MAST4: variants seen among roughly 807,000 people sequenced by gnomAD.
MAST4 encodes microtubule-associated serine/threonine-protein kinase 4.
In MAST4, 89 loss-of-function variants were observed where a neutral mutation model predicts 162.7. The observed-to-expected ratio is 0.55, with a 90% CI of 0.46 to 0.65. The LOEUF is 0.65. Among genes scored for constraint, MAST4 ranks in the 30% least tolerant of loss-of-function variants. The probability of loss-of-function intolerance (pLI) is 0.00; values close to 1 mark genes in which losing one functional copy is unlikely to be tolerated. For missense variants in MAST4, 3,153 were observed against 3,374.0 expected (o/e 0.93, Z 1.62); for synonymous variants, 1,479 against 1,361.1 (o/e 1.09, Z -1.91).
chr5:66,756,069 T>C (rs1050347338), intron 1 of MAST4, among the ~76,000 whole-genome samples: 2 of 152,208 alleles, frequency 1.3e-5, no homozygotes, highest in African/African-American at 2.4e-5. Flanking sequence ...ATACCTTTTA[T>C]CCCTTAAGAT....
intron 4 of MAST4, among the ~76,000 whole-genome samples, chr5:67,044,967 G>T (rs976775554): frequency 1.3e-5 from 2 of 152,174 alleles, no homozygotes; most frequent in Non-Finnish European, 2.9e-5. Flanking sequence ...GACTTCGTCA[G>T]CTCTTTGTGT....
chr5:66,906,688 T>C (rs1330690131), intron 4 of MAST4, among the ~76,000 whole-genome samples: 2 of 152,116 alleles, frequency 1.3e-5, no homozygotes, highest in Non-Finnish European at 2.9e-5. Context: ...CAGAAGACAA[T>C]TCATTAATGG....
intron 1 of MAST4, among the ~76,000 whole-genome samples, chr5:66,644,035 T>C (rs1745659050): frequency 9.8e-6 from 1 of 101,854 alleles, no homozygotes; most frequent in Non-Finnish European, 2.0e-5. Context: ...AAAGTATTCA[T>C]CTGTAAGCTT....
At chr5:66,694,229 C>T (rs1229148095) in intron 1 of MAST4, among the ~76,000 whole-genome samples, 2 of 152,266 alleles carry the variant, frequency 1.3e-5, no homozygotes, top group Non-Finnish European at 2.9e-5. Context: ...AGCTCCCCAG[C>T]TGAGTCTGAG....
Position 67,134,613 on chromosome 5 carries a change from C to T in MAST4, c.2317C>T (p.Leu773Phe). 6.2e-7 allele frequency: 1 copy of T among 1,613,642 alleles called. No individual in the cohort carries two copies. Among genetic ancestry groups the T allele is most frequent in the Middle Eastern group, 1.7e-4 (1 of 6,060 alleles). The change falls in exon 18 of 29, where the codon CTC (leucine) becomes TTC (phenylalanine). Residue 773 changes from leucine to phenylalanine, a missense_variant. Around this residue, in one of 7 missense-constraint regions of MAST4, gnomAD observed 131 missense variants for 253.8 expected, o/e 0.52. Coordinates refer to ENST00000403625, the MANE Select transcript of MAST4 (RefSeq NM_001164664.2). ...GGACTGGTGGGCCATGGGGATTATC[C>T]TCTATGAATTTCTGGTTGGATGCGT... ...PVDWWAMGIILYEFLVGCVPF... is the reference protein window; with the variant it reads ...PVDWWAMGIIFYEFLVGCVPF...
chr5:67,061,986 T>C (rs1272551474), intron 5 of MAST4, among the ~76,000 whole-genome samples: 2 of 152,304 alleles, frequency 1.3e-5, no homozygotes, highest in East Asian at 3.9e-4. Flanking sequence ...TGTGGTACCA[T>C]CAGATTTTCA....
At chr5:66,697,524 T>C (rs533457291) in intron 1 of MAST4, among the ~76,000 whole-genome samples, 3 of 152,338 alleles carry the variant, frequency 2.0e-5, no homozygotes, top group Non-Finnish European at 4.4e-5. Context: ...TAGTCCTTAC[T>C]TTTTGCAACC....
chr5:66,983,355 T>C (rs1749091262), intron 4 of MAST4, among the ~76,000 whole-genome samples: 1 of 152,228 alleles, frequency 6.6e-6, no homozygotes, highest in Non-Finnish European at 1.5e-5. Context: ...TTCCAGAATC[T>C]GTATGTGTGA....
intron 1 of MAST4, among the ~76,000 whole-genome samples, chr5:66,756,358 G>A (rs1041921375): frequency 2.0e-5 from 3 of 152,320 alleles, no homozygotes; most frequent in East Asian, 1.9e-4. Context: ...AGGTGACCAC[G>A]GAGTAGGACC....
chr5:67,155,020 C>T (rs1241158320), intron 26 of MAST4, among the ~76,000 whole-genome samples: 4 of 152,156 alleles, frequency 2.6e-5, no homozygotes, highest in South Asian at 2.1e-4. Flanking sequence ...AAGGACTTTA[C>T]GGAATGTCAT....
At chr5:66,876,381 G>A (rs1473497021) in intron 3 of MAST4, among the ~76,000 whole-genome samples, 2 of 152,246 alleles carry the variant, frequency 1.3e-5, no homozygotes, top group East Asian at 3.9e-4. Context: ...TTATGTGAAT[G>A]CATGCAGTAG....
At chr5:67,029,126 A>T (rs897025794) in intron 4 of MAST4, among the ~76,000 whole-genome samples, 2 of 143,846 alleles carry the variant, frequency 1.4e-5, no homozygotes, top group Non-Finnish European at 3.1e-5. Context: ...AGCACGAGAC[A>T]CTCTCTCAAA....
At chr5:67,030,143 A>G (rs1755127176) in intron 4 of MAST4, among the ~76,000 whole-genome samples, 1 of 152,176 alleles carries the variant, frequency 6.6e-6, no homozygotes, top group African/African-American at 2.4e-5. Context: ...TATTTTTATT[A>G]TCTAAATATT....
chr5:67,084,039 T>C (rs1762961763), intron 5 of MAST4, among the ~76,000 whole-genome samples: 1 of 152,184 alleles, frequency 6.6e-6, no homozygotes, highest in Non-Finnish European at 1.5e-5. Context: ...TCCAAGGGAT[T>C]CCTGTCAATG....
chr5:67,080,546 T>C (rs1029175092), intron 5 of MAST4, among the ~76,000 whole-genome samples: 7 of 152,126 alleles, frequency 4.6e-5, no homozygotes, highest in Non-Finnish European at 1.0e-4. Context: ...CTACTAAAGA[T>C]ATCATGGATG....
intron 4 of MAST4, chr5:66,986,600 T>TTATATA (rs548477839): frequency 9.3e-4 from 199 of 214,012 alleles, no homozygotes; most frequent in Middle Eastern, 7.7e-3. Context: ...ATGTATGAAT[T>TTATATA]TATATATATA....
At position 67,164,515 on chromosome 5, in the gene MAST4, C is replaced by G. The variant is rs1401885798; in HGVS notation, c.5336C>G (p.Ser1779Cys). 2.5e-6 allele frequency: 4 copies of G among 1,613,904 alleles called. No homozygotes were observed. The highest frequency in any genetic ancestry group is 2.5e-6 in the Non-Finnish European group (3 of 1,179,898). The change falls in exon 29 of 29, where the codon TCC (serine) becomes TGC (cysteine). Residue 1779 changes from serine (S) to cysteine (C), a missense_variant. This residue lies in a region of MAST4 where 1,644 missense variants were observed against 1,495.0 expected (regional missense o/e 1.10). Transcript: ENST00000403625. The surrounding 1 kb of genome is among the most constrained non-coding windows in gnomAD (Gnocchi z 5.3). ...TEKPGLVAPE[S>C]PVRKSPSEYK... ...AAGCCTGGCTTGGTTGCTCCTGAGT[C>G]CCCTGTTAGGAAGAGCCCCTCCGAG...
intron 1 of MAST4, among the ~76,000 whole-genome samples, chr5:66,609,328 A>G (rs1162468884): frequency 6.6e-6 from 1 of 151,520 alleles, no homozygotes; most frequent in East Asian, 1.9e-4. Context: ...CTTAAAGTGG[A>G]CTGAAAGTCT....
At chr5:66,960,675 T>G (rs568763609) in intron 4 of MAST4, among the ~76,000 whole-genome samples, 2 of 152,252 alleles carry the variant, frequency 1.3e-5, no homozygotes, top group African/African-American at 4.8e-5. Flanking sequence ...CTGGTTGTTT[T>G]CTTTGGACTT....
Sources: allele counts gnomAD v4.1 joint callset (sites outside exome capture counted in the v4.1 genomes callset), GRCh38; gene constraint gnomAD v4.1.1; regional missense constraint gnomAD v4.1.1; non-coding constraint Gnocchi (gnomAD v3.1); transcripts MANE v1.5; gene names NCBI Gene and HGNC (gene_info 2026-07-23, HGNC 2026-07-21).